Variants in MAP2K5 observed in about 807,000 individuals in gnomAD.
The protein encoded by MAP2K5 is mitogen-activated protein kinase kinase 5.
Under a neutral mutation model 83.1 loss-of-function variants are expected in MAP2K5, and 49 were observed. The observed-to-expected ratio is 0.59, with a 90% CI of 0.47 to 0.75. The LOEUF is 0.75. Among genes scored for constraint, MAP2K5 ranks in the 30% least tolerant of loss-of-function variants. MAP2K5 has a pLI of 0.00. For synonymous variants in MAP2K5, 202 were observed against 191.8 expected (o/e 1.05, Z -0.44); for missense variants, 457 against 557.5 (o/e 0.82, Z 1.82).
At position 67,590,191 on chromosome 15, in the gene MAP2K5, C is replaced by T. The variant is rs1596609218; in HGVS notation, c.432-2735C>T. ...TCTAGGAAAATAGGGACTCAGTCTC[C>T]ATAGTTTACATTTGACCATAGCAAA... On this transcript the variant is annotated intron_variant, in intron 6 of 21. Transcript: ENST00000178640. Among the ~76,000 whole-genome samples, 3 of 152,006 alleles carry T rather than the reference C, an allele frequency of 2.0e-5. No homozygotes were observed. In the East Asian group the frequency reaches 5.8e-4, roughly 30 times the overall value.
chr15:67,740,754 G>A (rs867908226), intron 17 of MAP2K5, among the ~76,000 whole-genome samples: 1 of 152,186 alleles, frequency 6.6e-6, no homozygotes, highest in African/African-American at 2.4e-5. Context: ...ATGGCCTGGC[G>A]TGGTGGCTCA....
chr15:67,759,650 A>G (rs1341734804), intron 19 of MAP2K5, among the ~76,000 whole-genome samples: 2 of 152,152 alleles, frequency 1.3e-5, no homozygotes, highest in East Asian at 3.9e-4. Context: ...AGACTTTACC[A>G]TGACTCTGGC....
chr15:67,581,910 C>T (rs928429576), intron 4 of MAP2K5, among the ~76,000 whole-genome samples: 1 of 152,072 alleles, frequency 6.6e-6, no homozygotes, highest in Admixed American at 6.6e-5. Context: ...TAAGTAAGTA[C>T]AGTTGGGCTA....
At chr15:67,693,607 A>G in intron 15 of MAP2K5, 39 bp downstream of exon 15, 2 of 1,375,394 alleles carry the variant, frequency 1.5e-6, no homozygotes, top group East Asian at 4.6e-5. Flanking sequence ...TAAAACCAAC[A>G]TCTTTATCTT....
At chr15:67,607,749 G>A (rs1254171794) in intron 8 of MAP2K5, among the ~76,000 whole-genome samples, 1 of 151,806 alleles carries the variant, frequency 6.6e-6, no homozygotes, top group African/African-American at 2.4e-5. Flanking sequence ...TTTTCTTTCT[G>A]TTTTATAGCC....
intron 17 of MAP2K5, among the ~76,000 whole-genome samples, chr15:67,740,849 G>C (rs1484348737): frequency 6.6e-6 from 1 of 152,038 alleles, no homozygotes; most frequent in South Asian, 2.1e-4. Context: ...CCAACATGGC[G>C]AAACCCCGTC....
At chr15:67,575,912 CTTTCTTTTTT>C (rs1296967471) in intron 3 of MAP2K5, among the ~76,000 whole-genome samples, 3 of 10,524 alleles carry the variant, frequency 2.9e-4, no homozygotes, top group South Asian at 8.6e-3. Context: ...TTCTTTCTTT[CTTTCTTTTTT>C]TTTTTTTTTT....
Position 67,768,532 on chromosome 15 carries a change from C to T in MAP2K5, c.1135-1070C>T, listed in dbSNP as rs1320821464. ...ATTGCTCATCCAAATGGCCAAAGCA[C>T]TCCAAAGCACAGTGAGATTAAAATA... On this transcript the variant is annotated intron_variant, in intron 19 of 21. Coordinates refer to ENST00000178640, the MANE Select transcript of MAP2K5 (RefSeq NM_145160.3). The surrounding 1 kb of genome is among the most constrained non-coding windows in gnomAD (Gnocchi z 4.0). Among the ~76,000 whole-genome samples the T allele has an allele frequency of 6.6e-6, 1 of 152,198 alleles. No homozygotes were observed. Among genetic ancestry groups the T allele is most frequent in the Non-Finnish European group, 1.5e-5 (1 of 68,038 alleles).
chr15:67,795,460 A>G (rs1375405747), intron 21 of MAP2K5, among the ~76,000 whole-genome samples: 10 of 152,204 alleles, frequency 6.6e-5, no homozygotes. Context: ...GTAATTTTCA[A>G]TTTCAATTAG....
chr15:67,681,855 A>C (rs2087826052), intron 13 of MAP2K5, among the ~76,000 whole-genome samples: 1 of 152,314 alleles, frequency 6.6e-6, no homozygotes, highest in African/African-American at 2.4e-5. Context: ...TATTCATTTG[A>C]GCTCCCTTGC....
chr15:67,737,938 A>G (rs1596883317), intron 17 of MAP2K5, among the ~76,000 whole-genome samples: 2 of 121,320 alleles, frequency 1.6e-5, no homozygotes, highest in Admixed American at 1.2e-4. Context: ...TGCAACCTCC[A>G]CCTCCCAGGT....
chr15:67,600,581 G>C, intron 7 of MAP2K5, 104 bp from the exon 8 acceptor site: 1 of 819,316 alleles, frequency 1.2e-6, no homozygotes. Context: ...AGCTGAACTT[G>C]AAATGACCCA....
At chr15:67,651,147 G>T (rs768903285) in intron 11 of MAP2K5, among the ~76,000 whole-genome samples, 2 of 152,192 alleles carry the variant, frequency 1.3e-5, no homozygotes, top group African/African-American at 2.4e-5. Flanking sequence ...GAACCTGGAA[G>T]CTGGAGGTTG....
At position 67,561,829 on chromosome 15, in the gene MAP2K5, GT is replaced by G. The variant is rs2084743493; in HGVS notation, c.185-1453del. Among the ~76,000 whole-genome samples, 1 of 152,172 alleles carries G rather than the reference GT, an allele frequency of 6.6e-6. No homozygotes were observed. Among genetic ancestry groups the G allele is most frequent in the South Asian group, 2.1e-4 (1 of 4,832 alleles). ...TTCCTCCTAGGGTCCCCATAGCCTA[GT>G]CACCAAGCAGGGGGATATCCTTGGA... On this transcript the variant is annotated intron_variant, in intron 2 of 21. Transcript: ENST00000178640. This position sits in a 1 kb window ranked among gnomAD's most constrained non-coding sequence, Gnocchi z 4.2.
intron 7 of MAP2K5, among the ~76,000 whole-genome samples, chr15:67,598,823 C>T (rs117071053): frequency 0.012 from 1,816 of 152,252 alleles, 22 homozygotes; most frequent in Non-Finnish European, 0.016. Flanking sequence ...ACCTTAGTGC[C>T]ACAAATGCAG....
rs190065739 is a variant in MAP2K5, at chr15:67,777,167, G to C, written c.1242+4415G>C. 4.2e-4 allele frequency among the ~76,000 whole-genome samples: 64 copies of C among 152,208 alleles called. No individual in the cohort carries two copies. The highest frequency in any genetic ancestry group is 6.5e-4 in the Admixed American group (10 of 15,296). Reference sequence around the variant, plus strand: ...GGGAGAGTGCTTGCTTGAGGGTGGGGTGGGGTGCTTTCTATGGGGTTCAGC... The same window carrying C: ...GGGAGAGTGCTTGCTTGAGGGTGGGCTGGGGTGCTTTCTATGGGGTTCAGC... On this transcript the variant is annotated intron_variant, in intron 21 of 21. Transcript: ENST00000178640. The surrounding 1 kb of genome is among the most constrained non-coding windows in gnomAD (Gnocchi z 6.0).
In MAP2K5 at chr15:67,677,018, G is replaced by C. The variant is rs1234854206; in HGVS notation, c.847+12373G>C. Reference sequence around the variant, plus strand: ...TTATTTCTCAAGAAAAGAAGCAAGAGGTTAAATGAGAGGGAATAGTTAGAA... The same window carrying C: ...TTATTTCTCAAGAAAAGAAGCAAGACGTTAAATGAGAGGGAATAGTTAGAA... On this transcript the variant is annotated intron_variant, in intron 13 of 21. Transcript: ENST00000178640. The surrounding 1 kb of genome is among the most constrained non-coding windows in gnomAD (Gnocchi z 4.2). Among the ~76,000 whole-genome samples, 3 of 152,164 alleles carry C rather than the reference G, an allele frequency of 2.0e-5. No homozygotes were observed. The highest frequency in any genetic ancestry group is 7.2e-5 in the African/African-American group (3 of 41,434).
At position 67,722,978 on chromosome 15, in the gene MAP2K5, A is replaced by C. The variant is rs2141242447; in HGVS notation, c.1045-4938A>C. Among the ~76,000 whole-genome samples, 2 of 152,328 alleles carry C rather than the reference A, an allele frequency of 1.3e-5. No homozygotes were observed. Among genetic ancestry groups the C allele is most frequent in the Middle Eastern group, 3.4e-3 (1 of 294 alleles). On this transcript the variant is annotated intron_variant, in intron 16 of 21. Transcript: ENST00000178640. The surrounding 1 kb of genome is among the most constrained non-coding windows in gnomAD (Gnocchi z 4.2). ...AACATAGAATATGTCTAAATTAAGA[A>C]TAAAAAAATCCAGTGCTCTTCAGTA...
At chr15:67,694,528 C>T (rs931050097) in intron 15 of MAP2K5, among the ~76,000 whole-genome samples, 5 of 151,744 alleles carry the variant, frequency 3.3e-5, no homozygotes, top group Non-Finnish European at 5.9e-5. Context: ...TCACTGGCCA[C>T]CAGAGAAATA....
Sources: gnomAD v4.1 joint callset for allele counts (sites outside exome capture counted in the v4.1 genomes callset) on GRCh38, gnomAD v4.1.1 for gene constraint, Gnocchi (gnomAD v3.1) non-coding constraint, MANE v1.5 for transcripts, NCBI Gene and HGNC (gene_info 2026-07-23, HGNC 2026-07-21) for gene names.